Variants in GIGYF1 observed in about 807,000 individuals in gnomAD.
GIGYF1 encodes GRB10-interacting GYF protein 1.
GIGYF1 carries 84 observed loss-of-function variants against 147.1 expected under a neutral mutation model. That is an observed-to-expected ratio of 0.57 (90% CI 0.48 to 0.68). The LOEUF is 0.68. Among genes scored for constraint, GIGYF1 ranks in the 30% least tolerant of loss-of-function variants. The pLI, the probability that GIGYF1 is intolerant of heterozygous loss-of-function variation, is 0.00. For synonymous variants in GIGYF1, 752 were observed against 589.5 expected, an observed-to-expected ratio of 1.28 and a Z score of -3.99; for missense variants, 1,485 against 1,393.7, an observed-to-expected ratio of 1.07 and a Z score of -1.04.
chr7:100,684,582 G>C lies in GIGYF1; in HGVS notation c.1497C>G (p.Phe499Leu). 6.2e-7 allele frequency: 1 copy of C among 1,614,182 alleles called. No homozygotes were observed. The change falls in exon 16 of 27, where the codon TTC becomes TTG. Residue 499 changes from phenylalanine (F) to leucine (L), a missense_variant. By Grantham distance (22) the Phe-to-Leu change is conservative. Transcript: ENST00000678049. ...PFTTQEMAEW[F>L]QAGYFSMSLL... The stretch of plus-strand genomic sequence containing the variant: ...GTGACATGGAAAAGTAGCCGGCCTG[G>C]AACCACTCTGCCATCTCCTGTGTCG...
chr7:100,681,843 T>A, intron 26 of GIGYF1, 21 bp downstream of exon 26: 1 of 1,611,560 alleles, frequency 6.2e-7, no homozygotes, highest in Non-Finnish European at 8.5e-7. Context: ...GAAGTCCCGC[T>A]CCTGCCCCAG....
rs1805017323 is a variant in GIGYF1 at position 100,683,646 on chromosome 7, G to GGGGGCAGA, written c.1970-22_1970-15dup. On this transcript the variant is annotated splice_polypyrimidine_tract_variant and intron_variant, in intron 19 of 26. Transcript: ENST00000678049. ...TGGCCTCACCACCTGCAGGGGGCAG[G>GGGGGCAGA]GGGGCAGAGGCGGCTGCAGGTGGGC... 1 of 1,612,438 alleles carries GGGGGCAGA rather than the reference G, an allele frequency of 6.2e-7. No individual in the cohort carries two copies. The highest frequency in any genetic ancestry group is 1.3e-5 in the African/African-American group (1 of 74,928).
chr7:100,682,355 G>C lies in GIGYF1; in HGVS notation c.2728C>G (p.Leu910Val), dbSNP rs753025026. 6.2e-7 allele frequency: 1 copy of C among 1,613,332 alleles called. No individual in the cohort carries two copies. The highest frequency in any genetic ancestry group is 8.5e-7 in the Non-Finnish European group (1 of 1,179,938). The change falls in exon 24 of 27, where the codon CTG becomes GTG. Residue 910 changes from leucine (L) to valine (V), a missense_variant. Coordinates refer to ENST00000678049, the MANE Select transcript of GIGYF1 (RefSeq NM_001375765.1). The stretch of plus-strand genomic sequence containing the variant: ...CTGCCCGTGGCGCTCAGCGTGTGCA[G>C]CATCTGCTCGCACCACTGGGTGAAG... ...DGFTQWCEQM[L>V]HTLSATGSLD...
At position 100,683,053 on chromosome 7, in the gene GIGYF1, G is replaced by A. The variant is rs1804943184; in HGVS notation, c.2371C>T (p.Pro791Ser). ...GERQLHKQPP[P>S]REPARAQAPN... ...GCCTGGGCCCGAGCTGGCTCCCGAG[G>A]TGGGGGCTGTTTGTGCAGCTGCCGC... The change falls in exon 22 of 27, where the codon CCT (proline) becomes TCT (serine). Residue 791 changes from proline (P) to serine (S), a missense_variant. Pro to Ser is a moderately conservative substitution (Grantham distance 74). Transcript: ENST00000678049. 2 of 1,573,842 alleles carry A rather than the reference G, an allele frequency of 1.3e-6. No individual in the cohort carries two copies. Among genetic ancestry groups the A allele is most frequent in the Non-Finnish European group, 1.7e-6 (2 of 1,166,226 alleles).
In GIGYF1 at chr7:100,688,517, T is replaced by TG. The variant is rs1435322145; in HGVS notation, c.-134-3dup. The TG allele has an allele frequency of 6.0e-6, 4 of 665,376 alleles. No individual in the cohort carries two copies. The African/African-American group carries it at 7.1e-5, about 12-fold the overall frequency. 41.2% of individuals were successfully genotyped at this position (665,376 alleles called of 1,614,324 possible). A position where few individuals can be genotyped will look rare whatever the true frequency, so the allele number is the denominator to read the frequency against. ...AGATGAGTCCAGACGGTGAAAGACC[T>TG]GGGGGAGGCGAGGAGATGGGAAGCT... On this transcript the variant is annotated splice_region_variant and splice_polypyrimidine_tract_variant and intron_variant, in intron 2 of 26. Coordinates refer to ENST00000678049, the MANE Select transcript of GIGYF1 (RefSeq NM_001375765.1).
rs1238272088 is a variant in GIGYF1 at position 100,688,457 on chromosome 7, C to T, written c.-76G>A. The T allele has an allele frequency of 5.7e-6, 4 of 697,256 alleles. No homozygotes were observed. In the South Asian group the frequency reaches 6.0e-5, roughly 10 times the overall value. 43.2% of individuals were successfully genotyped at this position (697,256 alleles called of 1,614,324 possible). A position where few individuals can be genotyped will look rare whatever the true frequency, so the allele number is the denominator to read the frequency against. ...GGGGTCTAAAAGGACTCACCTGAGC[C>T]AGCCACGTGGCCACTCACACCATGA... On this transcript the variant is annotated 5_prime_UTR_variant, in exon 3 of 27. Coordinates refer to ENST00000678049, the MANE Select transcript of GIGYF1 (RefSeq NM_001375765.1).
chr7:100,681,605 CCCCGCCCCTGCCTCTT>C lies in GIGYF1; in HGVS notation c.*98_*113del. 1 of 961,286 alleles carries C rather than the reference CCCCGCCCCTGCCTCTT, an allele frequency of 1.0e-6. No individual in the cohort carries two copies. The highest frequency in any genetic ancestry group is 1.5e-6 in the Non-Finnish European group (1 of 675,228). The allele number at this position is 961,286 out of a possible 1,614,324, so 59.5% of individuals were successfully genotyped here. A position where few individuals can be genotyped will look rare whatever the true frequency, so the allele number is the denominator to read the frequency against. ...GTGTGTTTGTAACAAGTGCTGGGGA[CCCCGCCCCTGCCTCTT>C]CCTGTGCTCTCTGCGGGGAGCCTGC... On this transcript the variant is annotated 3_prime_UTR_variant, in exon 27 of 27. Transcript: ENST00000678049.
rs954570771 is a variant in GIGYF1 at position 100,685,348 on chromosome 7, G to A, written c.1188C>T (p.Ala396=). 18 of 1,595,046 alleles carry A rather than the reference G, an allele frequency of 1.1e-5. No individual in the cohort carries two copies. The highest frequency in any genetic ancestry group is 1.4e-5 in the Non-Finnish European group (16 of 1,174,250). The change falls in exon 13 of 27, where the codon GCC becomes GCT. Residue 396 remains alanine, a synonymous_variant. Coordinates refer to ENST00000678049, the MANE Select transcript of GIGYF1 (RefSeq NM_001375765.1). The stretch of plus-strand genomic sequence containing the variant: ...TAGGCCATCCTCCCTTCCTACCTTC[G>A]GCCGCTGGGGGCTCTTTCTCTGCAG... The part of the protein sequence containing the change: ...DETAEKEPPA[A]EDDIRGIQLS...
rs576186216 is a variant in GIGYF1 at position 100,686,890 on chromosome 7, G to T, written c.524-71C>A. ...TGCCTGGACCCTCAAGAAACGTTGGGGGGGCCAGCTCCAGGCCCTCCTGCC... is the reference window on the plus strand; with the variant it reads ...TGCCTGGACCCTCAAGAAACGTTGGTGGGGCCAGCTCCAGGCCCTCCTGCC... On this transcript the variant is annotated intron_variant, in intron 9 of 26. Transcript: ENST00000678049. 8.5e-4 allele frequency: 1,355 copies of T among 1,601,760 alleles called. 10 individuals carry two copies. Among genetic ancestry groups the T allele is most frequent in the South Asian group, 8.2e-3 (743 of 90,682 alleles).
rs1805573018 is a variant in GIGYF1 at position 100,688,323 on chromosome 7, G to A, written c.-69-16C>T. On this transcript the variant is annotated splice_polypyrimidine_tract_variant and intron_variant, in intron 3 of 26. Transcript: ENST00000678049. ...GTCCAAACACCTGTGGGGGAACAGG[G>A]GCCATGAAGAACAGCACACGAAGGA... 9.7e-6 allele frequency: 11 copies of A among 1,137,994 alleles called. No individual in the cohort carries two copies. The highest frequency in any genetic ancestry group is 1.4e-5 in the Non-Finnish European group (11 of 768,578). 70.5% of individuals were successfully genotyped at this position (1,137,994 alleles called of 1,614,324 possible).
At chr7:100,687,252 C>T (rs749772359) in intron 8 of GIGYF1, 46 bp downstream of exon 8, 2 of 1,573,490 alleles carry the variant, frequency 1.3e-6, no homozygotes, top group East Asian at 2.2e-5. Flanking sequence ...CAGGCCTCCC[C>T]TCCCTGGCCT....
At position 100,685,336 on chromosome 7, in the gene GIGYF1, C is replaced by A; in HGVS notation, c.1192+8G>T. 1 of 1,591,910 alleles carries A rather than the reference C, an allele frequency of 6.3e-7. No individual in the cohort carries two copies. ...GCACCCGGGAGGTAGGCCATCCTCCCTTCCTACCTTCGGCCGCTGGGGGCT... is the reference window on the plus strand; with the variant it reads ...GCACCCGGGAGGTAGGCCATCCTCCATTCCTACCTTCGGCCGCTGGGGGCT... On this transcript the variant is annotated splice_region_variant and intron_variant, in intron 13 of 26. Coordinates refer to ENST00000678049, the MANE Select transcript of GIGYF1 (RefSeq NM_001375765.1).
In GIGYF1 at chr7:100,684,023, G is replaced by C. The variant is rs760808854; in HGVS notation, c.1865C>G (p.Pro622Arg). 6.9e-6 allele frequency: 11 copies of C among 1,604,872 alleles called. No homozygotes were observed. The highest frequency in any genetic ancestry group is 9.3e-6 in the Non-Finnish European group (11 of 1,179,334). ...AGGGCTCGCACGCACCACGCACCTG[G>C]GGGGTTTGAGCGCCTGGAGCTGCTG... is the stretch of plus-strand genomic sequence containing the variant. ...FLQQLQALKP[P>R]RGGDQNLLPT... Residue 622 changes from proline to arginine, a missense_variant, in exon 18 of 27, where the codon CCC (proline) becomes CGC (arginine). Pro to Arg is a moderately radical substitution (Grantham distance 103, BLOSUM62 -2). Transcript: ENST00000678049.
chr7:100,681,733 C>T lies in GIGYF1; in HGVS notation c.3094G>A (p.Val1032Met), dbSNP rs576725260. 1.2e-5 allele frequency: 19 copies of T among 1,573,386 alleles called. No homozygotes were observed. The highest frequency in any genetic ancestry group is 1.7e-4 in the Middle Eastern group (1 of 5,854). The stretch of plus-strand genomic sequence containing the variant: ...GTCCGGGCTGGTCAGTAGTCATCCA[C>T]GCTCTCGATCTCACCAGAAGATCCG... ...LHGSSGEIESVDDY is the reference protein window; with the variant it reads ...LHGSSGEIESMDDY Residue 1032 changes from valine (V) to methionine (M), a missense_variant, in exon 27 of 27, where the codon GTG becomes ATG. Val to Met is a conservative substitution (Grantham distance 21). Transcript: ENST00000678049.
rs548091860 is a variant in GIGYF1, at chr7:100,684,202, G to A, written c.1730+35C>T. 2.0e-4 allele frequency: 322 copies of A among 1,609,624 alleles called. 5 individuals are homozygous for A. In the South Asian group the frequency reaches 3.0e-3, roughly 15 times the overall value. Reference sequence around the variant, plus strand: ...GATGGTGGGCCACAGAGCCAGCGCCGGGCCTTCTCCCAGCCCACCCCAGGC... The same window carrying A: ...GATGGTGGGCCACAGAGCCAGCGCCAGGCCTTCTCCCAGCCCACCCCAGGC... On this transcript the variant is annotated intron_variant, in intron 17 of 26. Coordinates refer to ENST00000678049, the MANE Select transcript of GIGYF1 (RefSeq NM_001375765.1).
At chr7:100,686,558 T>C (rs937960138) in intron 10 of GIGYF1, 91 bp downstream of exon 10, 2 of 1,526,100 alleles carry the variant, frequency 1.3e-6, no homozygotes, top group Non-Finnish European at 1.8e-6. Flanking sequence ...AGCCAGCCTC[T>C]GCTCCCTCCC....
chr7:100,688,157 C>G, intron 4 of GIGYF1, 47 bp from the exon 5 acceptor site: 1 of 1,608,844 alleles, frequency 6.2e-7, no homozygotes, highest in Non-Finnish European at 8.5e-7. Context: ...GGCAGCCTGA[C>G]TGTGCTTTCT....
chr7:100,685,455 G>GA lies in GIGYF1; in HGVS notation c.1080dup (p.Pro361SerfsTer39). 1 of 1,598,704 alleles carries GA rather than the reference G, an allele frequency of 6.3e-7. No individual in the cohort carries two copies. On this transcript the variant is annotated frameshift_variant, in exon 13 of 27. Transcript: ENST00000678049. LOFTEE classifies it high-confidence loss of function. ...GGGGAGCTGGACTTCTCCTCCTGAG[G>GA]AGGCAGTGGGGTCAGCTCTTTCCCA...
In GIGYF1 at chr7:100,688,692, G is replaced by C. The variant is rs186737696; in HGVS notation, c.-235C>G. On this transcript the variant is annotated 5_prime_UTR_variant, in exon 2 of 27. Transcript: ENST00000678049. ...TTGGTCTGACCTCAGTAGAGCCTGG[G>C]AGGGACCTTCACATCTGGGAAAGAC... is the stretch of plus-strand genomic sequence containing the variant. 1 of 363,688 alleles carries C rather than the reference G, an allele frequency of 2.7e-6. No individual in the cohort carries two copies. Among genetic ancestry groups the C allele is most frequent in the East Asian group, 7.3e-5 (1 of 13,770 alleles). 22.5% of individuals were successfully genotyped at this position (363,688 alleles called of 1,614,324 possible).
Sources: allele counts gnomAD v4.1 joint callset, GRCh38; gene constraint gnomAD v4.1.1; transcripts MANE v1.5; gene names NCBI Gene and HGNC (gene_info 2026-07-23, HGNC 2026-07-21).